MB21D2: variants seen among roughly 807,000 people sequenced by gnomAD.
MB21D2 encodes nucleotidyltransferase MB21D2.
A neutral mutation model predicts 33.3 loss-of-function variants in MB21D2; 9 were observed. That is an observed-to-expected ratio of 0.27 (90% CI 0.16 to 0.47). The LOEUF is 0.47. Among genes scored for constraint, MB21D2 ranks in the 20% least tolerant of loss-of-function variants. The pLI, the probability that MB21D2 is intolerant of heterozygous loss-of-function variation, is 0.99. For missense variants in MB21D2, 540 were observed against 624.6 expected (o/e 0.86, Z 1.44); for synonymous variants, 241 against 236.3 (o/e 1.02, Z -0.18).
intron 1 of MB21D2, among the ~76,000 whole-genome samples, chr3:192,890,425 T>C (rs777634083): frequency 3.3e-5 from 5 of 152,196 alleles, no homozygotes; most frequent in Non-Finnish European, 2.9e-5. Flanking sequence ...AAAGAGCTTG[T>C]ACTTGTCCTT....
chr3:192,842,974 C>T (rs1712607004), intron 1 of MB21D2, among the ~76,000 whole-genome samples: 1 of 152,182 alleles, frequency 6.6e-6, no homozygotes, highest in African/African-American at 2.4e-5. Context: ...AGTTATCATG[C>T]CCTTGGGGTG....
At chr3:192,845,022 T>A (rs1712650871) in intron 1 of MB21D2, among the ~76,000 whole-genome samples, 1 of 152,222 alleles carries the variant, frequency 6.6e-6, no homozygotes, top group East Asian at 1.9e-4. Flanking sequence ...AACAGCCACT[T>A]AAACAAGAGT....
chr3:192,840,415 CTTTTTTTTTT>C (rs71177380), intron 1 of MB21D2, among the ~76,000 whole-genome samples: 14 of 88,296 alleles, frequency 1.6e-4, no homozygotes, highest in Non-Finnish European at 2.7e-4. Flanking sequence ...TCTCTTTTTT[CTTTTTTTTTT>C]TTTTTTTTTT....
intron 1 of MB21D2, among the ~76,000 whole-genome samples, chr3:192,849,334 T>TGGGGGGGGGGGGGGGGGGGGG (rs1712741972): frequency 1.3e-5 from 1 of 76,800 alleles, no homozygotes; most frequent in African/African-American, 5.2e-5. Flanking sequence ...GGGCGGGGGG[T>TGGGGGGGGGGGGGGGGGGGGG]GGGGGTGGAG....
chr3:192,816,168 C>A (rs773358346), intron 1 of MB21D2, among the ~76,000 whole-genome samples: 1 of 151,618 alleles, frequency 6.6e-6, no homozygotes, highest in Non-Finnish European at 1.5e-5. Context: ...TTCCAAAAGT[C>A]CAGTTTGGGT....
At chr3:192,915,060 T>C (rs1714431650) in intron 1 of MB21D2, among the ~76,000 whole-genome samples, 1 of 152,146 alleles carries the variant, frequency 6.6e-6, no homozygotes. Context: ...CTAAAGAGGC[T>C]TGCACCCAAT....
intron 1 of MB21D2, among the ~76,000 whole-genome samples, chr3:192,836,678 T>C (rs1040145203): frequency 6.6e-6 from 1 of 152,186 alleles, no homozygotes; most frequent in African/African-American, 2.4e-5. Flanking sequence ...CCTCCAGAAC[T>C]GTGAGAAAAC....
At chr3:192,878,711 C>G (rs1713495616) in intron 1 of MB21D2, among the ~76,000 whole-genome samples, 1 of 152,166 alleles carries the variant, frequency 6.6e-6, no homozygotes, top group South Asian at 2.1e-4. Context: ...TGGCTATAAT[C>G]CCAGCACTTT....
chr3:192,868,466 C>T (rs1038315381), intron 1 of MB21D2, among the ~76,000 whole-genome samples: 5 of 152,054 alleles, frequency 3.3e-5, no homozygotes, highest in Non-Finnish European at 5.9e-5. Flanking sequence ...GAACTTTTCA[C>T]TGACAGTTAA....
intron 1 of MB21D2, among the ~76,000 whole-genome samples, chr3:192,854,422 A>G (rs1577184475): frequency 6.6e-6 from 1 of 152,204 alleles, no homozygotes; most frequent in African/African-American, 2.4e-5. Flanking sequence ...GCAGAAGAAA[A>G]GTTTGAAGCT....
chr3:192,827,970 T>G (rs1712213236), intron 1 of MB21D2, among the ~76,000 whole-genome samples: 1 of 152,052 alleles, frequency 6.6e-6, no homozygotes, highest in Non-Finnish European at 1.5e-5. Context: ...GTTCTCGTGG[T>G]AGTGAATAAG....
At chr3:192,848,507 G>T (rs574517707) in intron 1 of MB21D2, among the ~76,000 whole-genome samples, 2 of 152,200 alleles carry the variant, frequency 1.3e-5, no homozygotes, top group African/African-American at 2.4e-5. Flanking sequence ...ATTCATATGG[G>T]AGATAATCTG....
chr3:192,882,846 T>C (rs1713635333), intron 1 of MB21D2, among the ~76,000 whole-genome samples: 1 of 151,954 alleles, frequency 6.6e-6, no homozygotes, highest in Non-Finnish European at 1.5e-5. Context: ...GTGACTCTCC[T>C]GCCTCAGCCT....
Position 192,897,317 on chromosome 3 carries a change from G to C in MB21D2, c.211+20313C>G, listed in dbSNP as rs35941299. Among the ~76,000 whole-genome samples, 1,298 of 151,620 alleles carry C rather than the reference G, an allele frequency of 8.6e-3. 17 individuals are homozygous for C. The highest frequency in any genetic ancestry group is 0.03 in the African/African-American group (1,249 of 41,336). ...AGCAACAGTGGAAGACAAAGACCCA[G>C]GTTTCCTGACTCCTGACCCCAGGGC... On this transcript the variant is annotated intron_variant, in intron 1 of 1. Coordinates refer to ENST00000392452, the MANE Select transcript of MB21D2 (RefSeq NM_178496.4).
intron 1 of MB21D2, among the ~76,000 whole-genome samples, chr3:192,866,345 T>C (rs1360615252): frequency 1.3e-5 from 2 of 152,154 alleles, no homozygotes. Flanking sequence ...GTCTCTTTAA[T>C]TTGCTGGGAT....
chr3:192,819,976 G>T (rs992035151), intron 1 of MB21D2, among the ~76,000 whole-genome samples: 1 of 152,124 alleles, frequency 6.6e-6, no homozygotes, highest in Non-Finnish European at 1.5e-5. Context: ...CCCTACAAGG[G>T]GGTAGGGGAA....
At chr3:192,883,148 G>A (rs1242449614) in intron 1 of MB21D2, among the ~76,000 whole-genome samples, 1 of 152,102 alleles carries the variant, frequency 6.6e-6, no homozygotes, top group Non-Finnish European at 1.5e-5. Context: ...GACGACAGGT[G>A]TAAGCCACCG....
intron 1 of MB21D2, among the ~76,000 whole-genome samples, chr3:192,814,758 G>A (rs888362824): frequency 2.6e-5 from 4 of 151,952 alleles, no homozygotes; most frequent in African/African-American, 9.7e-5. Context: ...CCAGCTACTG[G>A]GGAGGCTGAG....
intron 1 of MB21D2, among the ~76,000 whole-genome samples, chr3:192,840,959 A>G (rs1342703890): frequency 1.3e-5 from 2 of 152,232 alleles, no homozygotes; most frequent in East Asian, 3.9e-4. Flanking sequence ...AAATCAGCAT[A>G]CCATTTGTAT....
Sources: gnomAD v4.1 joint callset for allele counts (sites outside exome capture counted in the v4.1 genomes callset) on GRCh38, gnomAD v4.1.1 for gene constraint, MANE v1.5 for transcripts, NCBI Gene and HGNC (gene_info 2026-07-23, HGNC 2026-07-21) for gene names.